PARN: variants seen among roughly 807,000 people sequenced by gnomAD.
The protein encoded by PARN is poly(A)-specific ribonuclease PARN.
PARN carries 71 observed loss-of-function variants against 102.8 expected under a neutral mutation model. The observed-to-expected ratio is 0.69, with a 90% CI of 0.57 to 0.84. PARN has a LOEUF of 0.84. PARN is among the 40% of genes least tolerant of loss of function. The pLI is 0.00. For synonymous variants in PARN, 261 were observed against 252.9 expected, an observed-to-expected ratio of 1.03 and a Z score of -0.30; for missense variants, 782 against 760.9, an observed-to-expected ratio of 1.03 and a Z score of -0.33.
chr16:14,529,487 A>G (rs1207714609), intron 21 of PARN, among the ~76,000 whole-genome samples: 1 of 152,164 alleles, frequency 6.6e-6, no homozygotes, highest in African/African-American at 2.4e-5. Context: ...ACTACTGGCT[A>G]CTGCTCCACT....
chr16:14,503,205 G>C (rs117233724), intron 21 of PARN, among the ~76,000 whole-genome samples: 2 of 152,124 alleles, frequency 1.3e-5, no homozygotes, highest in Non-Finnish European at 2.9e-5. Flanking sequence ...GAAAGGAAAA[G>C]AGACTTCCAC....
chr16:14,501,454 A>AAAAAAAAC (rs1964603036), intron 21 of PARN: 1 of 139,810 alleles, frequency 7.2e-6, no homozygotes, highest in African/African-American at 2.7e-5. Context: ...AAAAAAAAAA[A>AAAAAAAAC]AAAAAACAGA....
At chr16:14,586,700 C>A (rs770591469) in intron 13 of PARN, among the ~76,000 whole-genome samples, 6 of 152,074 alleles carry the variant, frequency 3.9e-5, no homozygotes, top group Admixed American at 6.6e-5. Context: ...CAGAAAACTT[C>A]CAGTAATAGC....
At chr16:14,519,862 G>C (rs1040101315) in intron 21 of PARN, among the ~76,000 whole-genome samples, 5 of 151,950 alleles carry the variant, frequency 3.3e-5, no homozygotes, top group South Asian at 2.1e-4. Context: ...AAAGAAAAAG[G>C]CATGCTAGAA....
intron 12 of PARN, among the ~76,000 whole-genome samples, chr16:14,599,146 G>A (rs1056021683): frequency 1.4e-5 from 2 of 146,492 alleles, no homozygotes; most frequent in Non-Finnish European, 3.0e-5. Flanking sequence ...GAGCTCCAGC[G>A]ATCCTCCCAC....
intron 22 of PARN, among the ~76,000 whole-genome samples, chr16:14,470,155 A>G (rs1050203622): frequency 6.6e-6 from 1 of 152,212 alleles, no homozygotes; most frequent in African/African-American, 2.4e-5. Context: ...CAAAGGTCAT[A>G]TAAGTATAAG....
At chr16:14,552,509 C>T (rs1967372924) in intron 20 of PARN, among the ~76,000 whole-genome samples, 1 of 152,126 alleles carries the variant, frequency 6.6e-6, no homozygotes. Flanking sequence ...CAGAGTCTCA[C>T]TCTGTTGCCC....
intron 21 of PARN, among the ~76,000 whole-genome samples, chr16:14,498,756 A>T (rs989918563): frequency 6.6e-6 from 1 of 152,194 alleles, no homozygotes; most frequent in Admixed American, 6.5e-5. Flanking sequence ...GGGACGATGA[A>T]ATTTACTTGT....
intron 21 of PARN, among the ~76,000 whole-genome samples, chr16:14,513,817 A>C (rs1267006923): frequency 1.3e-5 from 2 of 152,234 alleles, no homozygotes; most frequent in Non-Finnish European, 2.9e-5. Flanking sequence ...ACTGCCGCAG[A>C]CGAGGTCCGT....
At chr16:14,463,845 G>T (rs888239746) in intron 22 of PARN, among the ~76,000 whole-genome samples, 5 of 142,252 alleles carry the variant, frequency 3.5e-5, no homozygotes, top group Non-Finnish European at 7.7e-5. Context: ...TTTTGGGGGG[G>T]GGGGGACGAC....
intron 10 of PARN, among the ~76,000 whole-genome samples, chr16:14,606,160 G>C (rs991060038): frequency 6.6e-6 from 1 of 152,116 alleles, no homozygotes; most frequent in Non-Finnish European, 1.5e-5. Context: ...AGCACTCTGC[G>C]AGGCCGAGGC....
intron 17 of PARN, among the ~76,000 whole-genome samples, chr16:14,581,310 C>G (rs1384026529): frequency 6.6e-6 from 1 of 152,108 alleles, no homozygotes; most frequent in Non-Finnish European, 1.5e-5. Context: ...CCTCAGCCTC[C>G]TAAAGTGCTG....
chr16:14,590,988 A>T (rs1970163160), intron 13 of PARN, among the ~76,000 whole-genome samples: 1 of 152,062 alleles, frequency 6.6e-6, no homozygotes, highest in African/African-American at 2.4e-5. Context: ...GGTAGTGCAC[A>T]CCTGTGGTTT....
chr16:14,470,732 T>C (rs1962688249), intron 22 of PARN, among the ~76,000 whole-genome samples: 1 of 152,142 alleles, frequency 6.6e-6, no homozygotes, highest in South Asian at 2.1e-4. Flanking sequence ...GGGCTGGGAT[T>C]ATAGGCATGA....
chr16:14,478,194 T>C (rs1963178433), intron 22 of PARN, among the ~76,000 whole-genome samples: 1 of 152,076 alleles, frequency 6.6e-6, no homozygotes, highest in African/African-American at 2.4e-5. Flanking sequence ...TGCACACCTA[T>C]AGTCCCAGCT....
chr16:14,617,404 A>G (rs1471687153), intron 6 of PARN, among the ~76,000 whole-genome samples, 186 bp downstream of exon 6: 1 of 141,250 alleles, frequency 7.1e-6, no homozygotes, highest in Non-Finnish European at 1.6e-5. Flanking sequence ...AAAAAAAAAA[A>G]TCACAGTAAG....
At chr16:14,444,983 ATTTTTTTTT>A (rs564058919) in intron 23 of PARN, among the ~76,000 whole-genome samples, 13 of 117,972 alleles carry the variant, frequency 1.1e-4, no homozygotes, top group African/African-American at 3.0e-4. Flanking sequence ...TAATATTTAA[ATTTTTTTTT>A]TTTTTTTTTT....
intron 21 of PARN, among the ~76,000 whole-genome samples, chr16:14,548,191 T>A (rs960792125): frequency 2.7e-5 from 4 of 150,688 alleles, no homozygotes; most frequent in African/African-American, 9.8e-5. Context: ...GAGGTTGCAG[T>A]GAGCCGAGAT....
At chr16:14,442,689 C>A (rs1458654062) in intron 23 of PARN, among the ~76,000 whole-genome samples, 5 of 149,706 alleles carry the variant, frequency 3.3e-5, no homozygotes, top group Non-Finnish European at 7.4e-5. Flanking sequence ...ACCATCTGGG[C>A]TCACTGCAAC....
Sources: allele counts gnomAD v4.1 joint callset (sites outside exome capture counted in the v4.1 genomes callset), GRCh38; gene constraint gnomAD v4.1.1; transcripts MANE v1.5; gene names NCBI Gene and HGNC (gene_info 2026-07-23, HGNC 2026-07-21).